CNBD1: variants seen among roughly 807,000 people sequenced by gnomAD.
The protein encoded by CNBD1 is cyclic nucleotide-binding domain-containing protein 1.
CNBD1 carries 71 observed loss-of-function variants against 54.4 expected under a neutral mutation model. That is an observed-to-expected ratio of 1.30 (90% CI 1.08 to 1.59). The LOEUF (loss-of-function observed/expected upper bound fraction) is 1.59, where lower values mean the gene tolerates loss of function less well. CNBD1 is among the 40% of genes most tolerant of loss of function. The pLI, the probability that CNBD1 is intolerant of heterozygous loss-of-function variation, is 0.00. For synonymous variants in CNBD1, 182 were observed against 170.7 expected (o/e 1.07, Z -0.51); for missense variants, 659 against 518.0 (o/e 1.27, Z -2.64).
chr8:87,428,358 T>C (rs2130999247), intron 2 of CNBD1, among the ~76,000 whole-genome samples: 1 of 152,280 alleles, frequency 6.6e-6, no homozygotes, highest in Non-Finnish European at 1.5e-5. Flanking sequence ...AAATTACTGA[T>C]GCTAAAATTT....
intron 1 of CNBD1, among the ~76,000 whole-genome samples, chr8:86,882,240 C>T (rs1233204237): frequency 6.6e-6 from 1 of 152,056 alleles, no homozygotes; most frequent in Non-Finnish European, 1.5e-5. Flanking sequence ...AAACACACAG[C>T]CTACAGAATG....
chr8:87,198,078 A>T (rs992957456), intron 4 of CNBD1, among the ~76,000 whole-genome samples: 1 of 152,258 alleles, frequency 6.6e-6, no homozygotes, highest in Non-Finnish European at 1.5e-5. Flanking sequence ...AAACCTGGAA[A>T]TTAGTCAAAT....
chr8:87,070,581 AT>A (rs908983223), intron 4 of CNBD1, among the ~76,000 whole-genome samples: 8 of 151,464 alleles, frequency 5.3e-5, no homozygotes, highest in South Asian at 4.2e-4. Context: ...AGAAAAAGAG[AT>A]TTTTTTTTCC....
chr8:87,081,651 G>C (rs561298702), intron 4 of CNBD1, among the ~76,000 whole-genome samples: 1 of 151,564 alleles, frequency 6.6e-6, no homozygotes, highest in East Asian at 1.9e-4. Context: ...GATAACAGGC[G>C]CGCCACCACA....
intron 4 of CNBD1, among the ~76,000 whole-genome samples, chr8:86,958,276 G>A (rs1478362707): frequency 6.6e-6 from 1 of 152,194 alleles, no homozygotes; most frequent in Non-Finnish European, 1.5e-5. Flanking sequence ...GAATAGGTCA[G>A]ATGTGCTGCT....
chr8:87,167,698 TG>T (rs1812994282), intron 4 of CNBD1, among the ~76,000 whole-genome samples: 1 of 151,984 alleles, frequency 6.6e-6, no homozygotes, highest in Admixed American at 6.6e-5. Flanking sequence ...TACATACTCA[TG>T]TTTTTTTATT....
chr8:87,385,610 AGTG>A (rs1811166905), downstream of CNBD1, among the ~76,000 whole-genome samples: 1 of 152,088 alleles, frequency 6.6e-6, no homozygotes, highest in African/African-American at 2.4e-5. Flanking sequence ...AGGTAAACAA[AGTG>A]GCTGGGAAGC....
intron 6 of CNBD1, among the ~76,000 whole-genome samples, chr8:87,244,712 A>T (rs117210207): frequency 6.6e-6 from 1 of 152,146 alleles, no homozygotes. Context: ...CCTTTAAGTC[A>T]GGGATCTTAT....
chr8:87,344,987 G>C (rs879373413), intron 8 of CNBD1, among the ~76,000 whole-genome samples: 1 of 152,058 alleles, frequency 6.6e-6, no homozygotes, highest in African/African-American at 2.4e-5. Flanking sequence ...TTCTCCTTTT[G>C]ACACAAATAT....
At chr8:87,263,462 G>A (rs1043300508) in intron 6 of CNBD1, among the ~76,000 whole-genome samples, 6 of 152,140 alleles carry the variant, frequency 3.9e-5, no homozygotes, top group African/African-American at 1.4e-4. Context: ...CCTTAAAGAG[G>A]TGACTAAGAT....
intron 8 of CNBD1, among the ~76,000 whole-genome samples, chr8:87,302,336 A>G (rs945770598): frequency 6.6e-6 from 1 of 152,214 alleles, no homozygotes; most frequent in South Asian, 2.1e-4. Context: ...GGTTCAACAT[A>G]TGCAAATCAA....
rs899387044 is a variant in CNBD1 at position 87,284,609 on chromosome 8, A to C, written c.772-69A>C. The C allele has an allele frequency of 5.8e-6, 8 of 1,390,016 alleles. No individual in the cohort carries two copies. In the African/African-American group the frequency reaches 7.2e-5, roughly 13 times the overall value. 86.1% of individuals were successfully genotyped at this position (1,390,016 alleles called of 1,614,324 possible). A position where few individuals can be genotyped will look rare whatever the true frequency, so the allele number is the denominator to read the frequency against. ...AGAATGAAAGCTTGACCTACAATCC[A>C]ATCCTTCACTGGCATTTTCATGTTG... On this transcript the variant is annotated intron_variant, in intron 6 of 10. Transcript: ENST00000518476.
At chr8:86,946,923 C>G (rs1230918717) in intron 4 of CNBD1, among the ~76,000 whole-genome samples, 8 of 152,120 alleles carry the variant, frequency 5.3e-5, no homozygotes, top group African/African-American at 1.9e-4. Context: ...CACATACATG[C>G]AATTGTGTTT....
intron 2 of CNBD1, among the ~76,000 whole-genome samples, chr8:87,398,345 T>G (rs1429710081): frequency 6.6e-6 from 1 of 151,812 alleles, no homozygotes; most frequent in Non-Finnish European, 1.5e-5. Context: ...AGGGCCCTCT[T>G]TTTCAGAGAA....
chr8:87,328,222 C>T (rs1166257175), intron 8 of CNBD1, among the ~76,000 whole-genome samples: 2 of 152,048 alleles, frequency 1.3e-5, no homozygotes, highest in Admixed American at 1.3e-4. Flanking sequence ...AAACCATTTA[C>T]TGAAGAGGCT....
At chr8:87,372,467 A>C (rs1386636952) in intron 10 of CNBD1, among the ~76,000 whole-genome samples, 1 of 151,644 alleles carries the variant, frequency 6.6e-6, no homozygotes, top group African/African-American at 2.4e-5. Flanking sequence ...GTTTGTTCCC[A>C]CTCCACTGAT....
At chr8:87,353,841 A>C in intron 10 of CNBD1, 55 bp downstream of exon 10, 1 of 1,337,926 alleles carries the variant, frequency 7.5e-7, no homozygotes, top group South Asian at 1.4e-5. Flanking sequence ...TGAGTTCTTA[A>C]ATTTTTTAAA....
intron 4 of CNBD1, among the ~76,000 whole-genome samples, chr8:87,124,559 C>A (rs1811954669): frequency 1.3e-5 from 2 of 151,576 alleles, no homozygotes; most frequent in South Asian, 4.1e-4. Context: ...AATTATATGA[C>A]CATTTAATGG....
At chr8:87,380,582 T>G (rs1412568453) in intron 10 of CNBD1, among the ~76,000 whole-genome samples, 1 of 152,034 alleles carries the variant, frequency 6.6e-6, no homozygotes, top group Non-Finnish European at 1.5e-5. Flanking sequence ...AATAGAAGTT[T>G]TATTGAATCT....
Sources: allele counts gnomAD v4.1 joint callset (sites outside exome capture counted in the v4.1 genomes callset), GRCh38; gene constraint gnomAD v4.1.1; transcripts MANE v1.5; gene names NCBI Gene and HGNC (gene_info 2026-07-23, HGNC 2026-07-21).